Variants in CALM2 observed in about 807,000 individuals in gnomAD.
The protein encoded by CALM2 is calmodulin-2.
Under a neutral mutation model 19.8 loss-of-function variants are expected in CALM2, and 2 were observed. The observed-to-expected ratio is 0.10, with a 90% CI of 0.04 to 0.32. The LOEUF is 0.32. Among genes scored for constraint, CALM2 ranks in the 10% least tolerant of loss-of-function variants. The pLI is 1.00. For missense variants in CALM2, 38 were observed against 178.7 expected, an observed-to-expected ratio of 0.21 and a Z score of 4.49; for synonymous variants, 51 against 52.1, an observed-to-expected ratio of 0.98 and a Z score of 0.09.
At chr2:47,162,483 T>C (rs1258418125) in intron 3 of CALM2, 36 bp downstream of exon 3, 3 of 1,613,622 alleles carry the variant, frequency 1.9e-6, no homozygotes, top group Non-Finnish European at 2.5e-6. Flanking sequence ...TATCACTTCT[T>C]CAACCCCTCC....
At chr2:47,166,488 T>A (rs1573221327) in intron 2 of CALM2, among the ~76,000 whole-genome samples, 1 of 152,340 alleles carries the variant, frequency 6.6e-6, no homozygotes, top group African/African-American at 2.4e-5. Flanking sequence ...TTAAAATGTT[T>A]GCTAGAATAA....
chr2:47,161,591 G>T, intron 5 of CALM2, 132 bp downstream of exon 5: 1 of 739,862 alleles, frequency 1.4e-6, no homozygotes, highest in Non-Finnish European at 2.2e-6. Flanking sequence ...TTTTAAGAAG[G>T]TTAAATGTAA....
At chr2:47,170,625 C>T (rs1394879742) in intron 2 of CALM2, 109 bp downstream of exon 2, 40 of 865,050 alleles carry the variant, frequency 4.6e-5, no homozygotes, top group Admixed American at 2.2e-4. Flanking sequence ...TGTTAGTATC[C>T]ATGACATATA....
chr2:47,161,615 C>T, intron 5 of CALM2, 108 bp downstream of exon 5: 1 of 961,822 alleles, frequency 1.0e-6, no homozygotes, highest in Non-Finnish European at 1.5e-6. Flanking sequence ...ACTGTTTTAG[C>T]AACCTAATTT....
At chr2:47,175,391 T>A (rs1173557186) in intron 1 of CALM2, among the ~76,000 whole-genome samples, 4 of 152,132 alleles carry the variant, frequency 2.6e-5, no homozygotes, top group Non-Finnish European at 5.9e-5. Context: ...CATCCAATTG[T>A]TACAAGACCG....
chr2:47,165,958 G>C (rs915800017), intron 2 of CALM2, among the ~76,000 whole-genome samples: 1 of 152,058 alleles, frequency 6.6e-6, no homozygotes, highest in African/African-American at 2.4e-5. Flanking sequence ...AGGCTCCATC[G>C]TCCTTTGCCA....
At chr2:47,175,335 G>A (rs1024813674) in intron 1 of CALM2, among the ~76,000 whole-genome samples, 1 of 152,072 alleles carries the variant, frequency 6.6e-6, no homozygotes, top group African/African-American at 2.4e-5. Context: ...AGGACTGCAC[G>A]CTGTTTTCAA....
At chr2:47,172,472 A>G in intron 1 of CALM2, 1 of 1,165,298 alleles carries the variant, frequency 8.6e-7, no homozygotes, top group Non-Finnish European at 1.2e-6. Flanking sequence ...AAAGAGTTAA[A>G]TGATAACCAT....
In CALM2 at chr2:47,160,456, A is replaced by G. The variant is rs565042586; in HGVS notation, c.*320T>C. On this transcript the variant is annotated 3_prime_UTR_variant, in exon 6 of 6. Coordinates refer to ENST00000272298, the MANE Select transcript of CALM2 (RefSeq NM_001743.6). Reference sequence around the variant, plus strand: ...CAACAACAACATGCTGACAGTTCCTAAAGAAAACTACTTTAAAAAAGGCAT... The same window carrying G: ...CAACAACAACATGCTGACAGTTCCTGAAGAAAACTACTTTAAAAAAGGCAT... The G allele has an allele frequency of 3.7e-5, 8 of 216,682 alleles. No individual in the cohort carries two copies. The South Asian group carries it at 5.1e-4, about 14-fold the overall frequency. 13.4% of individuals were successfully genotyped at this position (216,682 alleles called of 1,614,324 possible). A position where few individuals can be genotyped will look rare whatever the true frequency, so the allele number is the denominator to read the frequency against.
chr2:47,176,534 C>G, upstream of CALM2: 1 of 1,581,086 alleles, frequency 6.3e-7, no homozygotes, highest in East Asian at 2.4e-5. Flanking sequence ...CCGCCCCCAG[C>G]GCCTCATAAA....
chr2:47,161,553 T>C (rs1288140923), intron 5 of CALM2, among the ~76,000 whole-genome samples, 170 bp downstream of exon 5: 1 of 152,152 alleles, frequency 6.6e-6, no homozygotes, highest in Admixed American at 6.5e-5. Flanking sequence ...CAGAGCAATG[T>C]TACCTAGTCT....
At chr2:47,168,395 G>C (rs921756672) in intron 2 of CALM2, among the ~76,000 whole-genome samples, 1 of 152,154 alleles carries the variant, frequency 6.6e-6, no homozygotes, top group Non-Finnish European at 1.5e-5. Context: ...ACAATAAAGA[G>C]AACAGGTCCT....
intron 1 of CALM2, among the ~76,000 whole-genome samples, chr2:47,175,558 G>A (rs563643423): frequency 6.6e-6 from 1 of 152,162 alleles, no homozygotes; most frequent in Non-Finnish European, 1.5e-5. Context: ...TTCTTTCAAC[G>A]ACAGACACTT....
At chr2:47,174,246 G>C (rs1666771518) in intron 1 of CALM2, 1 of 152,014 alleles carries the variant, frequency 6.6e-6, no homozygotes. Context: ...ACTTTAACTT[G>C]GGGTCCTAAT....
At chr2:47,168,745 C>T (rs1419049051) in intron 2 of CALM2, among the ~76,000 whole-genome samples, 2 of 150,942 alleles carry the variant, frequency 1.3e-5, no homozygotes, top group African/African-American at 4.9e-5. Flanking sequence ...TGCTATCAAT[C>T]ACTGAAGAGG....
chr2:47,160,405 C>G lies in CALM2; in HGVS notation c.*371G>C, dbSNP rs1687118366. 5.7e-6 allele frequency: 1 copy of G among 175,730 alleles called. No individual in the cohort carries two copies. The highest frequency in any genetic ancestry group is 1.9e-4 in the South Asian group (1 of 5,192). The allele number at this position is 175,730 out of a possible 1,614,324, so 10.9% of individuals were successfully genotyped here. A position where few individuals can be genotyped will look rare whatever the true frequency, so the allele number is the denominator to read the frequency against. ...GTACATATTGTTGACTGTCCATAGT[C>G]CACGCAGAGTTACAACTCCACACTT... On this transcript the variant is annotated 3_prime_UTR_variant, in exon 6 of 6. Transcript: ENST00000272298.
intron 5 of CALM2, 46 bp from the exon 6 acceptor site, chr2:47,160,850 CAAAAAAAA>C (rs55773607): frequency 1.2e-3 from 448 of 370,962 alleles, no homozygotes; most frequent in South Asian, 3.3e-3. Context: ...AGCAAAAGAC[CAAAAAAAA>C]AAAAAAAAAA....
chr2:47,168,993 G>A (rs1573225032), intron 2 of CALM2, among the ~76,000 whole-genome samples: 2 of 152,250 alleles, frequency 1.3e-5, no homozygotes, highest in East Asian at 3.9e-4. Context: ...GGCCAGGCTG[G>A]TCATGAACTC....
chr2:47,163,662 C>A (rs1666341095), intron 2 of CALM2: 1 of 152,232 alleles, frequency 6.6e-6, no homozygotes, highest in Non-Finnish European at 1.5e-5. Context: ...GAACTCCCAA[C>A]CTCAGGTGAT....
Sources: gnomAD v4.1 joint callset for allele counts (sites outside exome capture counted in the v4.1 genomes callset) on GRCh38, gnomAD v4.1.1 for gene constraint, MANE v1.5 for transcripts, NCBI Gene and HGNC (gene_info 2026-07-23, HGNC 2026-07-21) for gene names.